The following CAMK1D variants were observed in gnomAD, a reference collection of about 807,000 sequenced individuals.
CAMK1D encodes calcium/calmodulin-dependent protein kinase type 1D.
A neutral mutation model predicts 47.7 loss-of-function variants in CAMK1D; 9 were observed. The ratio of observed to expected loss-of-function variants is 0.19; its 90% CI spans 0.11 to 0.33. The LOEUF (loss-of-function observed/expected upper bound fraction) is 0.33. CAMK1D is among the 10% of genes least tolerant of loss of function. The pLI is 1.00. For missense variants in CAMK1D, 291 were observed against 488.7 expected (o/e 0.60, Z 3.81); for synonymous variants, 184 against 184.9 (o/e 0.99, Z 0.04).
chr10:12,790,859 G>A (rs1837948522), intron 5 of CAMK1D, among the ~76,000 whole-genome samples: 1 of 151,986 alleles, frequency 6.6e-6, no homozygotes, highest in Non-Finnish European at 1.5e-5. Context: ...AGCCAGGCAT[G>A]GTGGCATGCA....
chr10:12,446,365 C>G (rs1588494169), intron 1 of CAMK1D, among the ~76,000 whole-genome samples: 1 of 152,130 alleles, frequency 6.6e-6, no homozygotes, highest in East Asian at 1.9e-4. Context: ...CCTGATGTGG[C>G]CTTGGCATTT....
chr10:12,763,555 G>T (rs1295994193), intron 4 of CAMK1D, among the ~76,000 whole-genome samples: 1 of 152,188 alleles, frequency 6.6e-6, no homozygotes, highest in African/African-American at 2.4e-5. Context: ...TCAGCCCTGG[G>T]CACTGTGGGA....
chr10:12,535,437 C>G (rs775615969), intron 1 of CAMK1D, among the ~76,000 whole-genome samples: 23 of 152,140 alleles, frequency 1.5e-4, no homozygotes, highest in Non-Finnish European at 3.1e-4. Flanking sequence ...TTAACTCTAC[C>G]CCATTAAGTG....
At chr10:12,599,042 C>T (rs564101727) in intron 2 of CAMK1D, among the ~76,000 whole-genome samples, 1 of 152,242 alleles carries the variant, frequency 6.6e-6, no homozygotes, top group African/African-American at 2.4e-5. Context: ...GGGGGTGTGA[C>T]CTGCCCATGA....
rs1328525038 is a variant in CAMK1D, at chr10:12,349,734, C to G, written c.-85C>G. On this transcript the variant is annotated 5_prime_UTR_variant, in exon 1 of 11. Coordinates refer to ENST00000619168, the MANE Select transcript of CAMK1D (RefSeq NM_153498.4). ...CCGCAGCCCGAGCCGCCCGGCATCC[C>G]CGCCGCCTCTGCGCCCGCGCCGCGC... The G allele has an allele frequency of 1.1e-5, 4 of 370,176 alleles. No homozygotes were observed. Among genetic ancestry groups the G allele is most frequent in the African/African-American group, 9.0e-5 (4 of 44,600 alleles). 22.9% of individuals were successfully genotyped at this position (370,176 alleles called of 1,614,324 possible).
At chr10:12,588,805 C>T (rs1588665245) in intron 2 of CAMK1D, among the ~76,000 whole-genome samples, 1 of 144,958 alleles carries the variant, frequency 6.9e-6, no homozygotes, top group East Asian at 2.0e-4. Flanking sequence ...CACACACACA[C>T]ACACATACAC....
intron 10 of CAMK1D, among the ~76,000 whole-genome samples, chr10:12,827,645 CCTCTCCTCTCTCCT>C (rs140755067): frequency 1.7e-5 from 2 of 115,840 alleles, no homozygotes; most frequent in Non-Finnish European, 3.4e-5. Flanking sequence ...TCCCCTCTCC[CCTCTCCTCTCTCCT>C]CTCTCCCTTC....
At chr10:12,668,474 C>T (rs186294102) in intron 3 of CAMK1D, among the ~76,000 whole-genome samples, 39 of 152,300 alleles carry the variant, frequency 2.6e-4, no homozygotes, top group African/African-American at 9.4e-4. Flanking sequence ...CTGCCTCTTT[C>T]TAGCCAGGGG....
chr10:12,566,397 C>T (rs981121625), intron 2 of CAMK1D, among the ~76,000 whole-genome samples: 5 of 152,124 alleles, frequency 3.3e-5, no homozygotes, highest in South Asian at 2.1e-4. Context: ...CTGTCATAGA[C>T]CCAACACTGC....
chr10:12,579,460 G>A (rs1837596907), intron 2 of CAMK1D, among the ~76,000 whole-genome samples: 1 of 152,132 alleles, frequency 6.6e-6, no homozygotes, highest in African/African-American at 2.4e-5. Context: ...CCATTAAAGA[G>A]TGGCTCTCCA....
intron 1 of CAMK1D, among the ~76,000 whole-genome samples, chr10:12,541,468 G>GA (rs1836168766): frequency 6.6e-6 from 1 of 152,080 alleles, no homozygotes; most frequent in South Asian, 2.1e-4. Flanking sequence ...GGTTCAAGCA[G>GA]TTCTCCTGCC....
At chr10:12,722,602 G>T (rs1564517097) in intron 3 of CAMK1D, among the ~76,000 whole-genome samples, 1 of 152,048 alleles carries the variant, frequency 6.6e-6, no homozygotes, top group African/African-American at 2.4e-5. Context: ...AAGTTATGAG[G>T]AATTCTTAGC....
intron 1 of CAMK1D, among the ~76,000 whole-genome samples, chr10:12,351,686 G>C (rs79161120): frequency 6.6e-6 from 1 of 152,226 alleles, no homozygotes; most frequent in African/African-American, 2.4e-5. Flanking sequence ...GCTCCTGCTG[G>C]AGCATGGTGT....
intron 1 of CAMK1D, among the ~76,000 whole-genome samples, chr10:12,427,725 T>TTTTTTTTTTTTTTTA (rs869212304): frequency 7.4e-6 from 1 of 135,820 alleles, no homozygotes; most frequent in African/African-American, 2.8e-5. Context: ...TTTTTTTTTT[T>TTTTTTTTTTTTTTTA]GAGACGGAGT....
chr10:12,449,590 TACGATGTATACATATATCAAAACATCA>T (rs1225219611), intron 1 of CAMK1D, among the ~76,000 whole-genome samples: 1 of 150,114 alleles, frequency 6.7e-6, no homozygotes, highest in East Asian at 2.0e-4. Context: ...AACATCATGT[TACGATGTATACATATATCAAAACATCA>T]TGTTACGATG....
At chr10:12,350,519 C>G (rs900599566) in intron 1 of CAMK1D, among the ~76,000 whole-genome samples, 1 of 152,014 alleles carries the variant, frequency 6.6e-6, no homozygotes, top group Non-Finnish European at 1.5e-5. Context: ...GCCGCACGCG[C>G]CGGGGAGCGC....
intron 2 of CAMK1D, among the ~76,000 whole-genome samples, chr10:12,644,821 T>C (rs1013064755): frequency 6.6e-6 from 1 of 152,214 alleles, no homozygotes; most frequent in Non-Finnish European, 1.5e-5. Flanking sequence ...ATTAATATCA[T>C]GTTAATATTC....
intron 3 of CAMK1D, among the ~76,000 whole-genome samples, chr10:12,687,173 C>G (rs931606562): frequency 6.6e-6 from 1 of 151,944 alleles, no homozygotes; most frequent in Non-Finnish European, 1.5e-5. Flanking sequence ...TATCAGCCTT[C>G]GTACTGAGCC....
At chr10:12,806,322 G>C (rs1239243932) in intron 6 of CAMK1D, among the ~76,000 whole-genome samples, 4 of 152,216 alleles carry the variant, frequency 2.6e-5, no homozygotes, top group African/African-American at 9.6e-5. Flanking sequence ...GACCTGGTCA[G>C]TGCTCAGTCT....
Sources: gnomAD v4.1 joint callset for allele counts (sites outside exome capture counted in the v4.1 genomes callset) on GRCh38, gnomAD v4.1.1 for gene constraint, MANE v1.5 for transcripts, NCBI Gene and HGNC (gene_info 2026-07-23, HGNC 2026-07-21) for gene names.